The following NRG3 variants were observed in gnomAD, a reference collection of about 807,000 sequenced individuals.
NRG3 encodes the protein neuregulin 3, also known as pro-neuregulin-3, membrane-bound isoform.
Under a neutral mutation model 66.9 loss-of-function variants are expected in NRG3, and 31 were observed. The ratio of observed to expected loss-of-function variants is 0.46; its 90% CI spans 0.35 to 0.63. NRG3 has a LOEUF of 0.63. Ranked by LOEUF, NRG3 falls within the 20% of genes least tolerant of loss-of-function variation. NRG3 has a pLI of 0.00. For synonymous variants in NRG3, 393 were observed against 359.4 expected, an observed-to-expected ratio of 1.09 and a Z score of -1.06; for missense variants, 910 against 878.9, an observed-to-expected ratio of 1.04 and a Z score of -0.45.
chr10:82,959,337 T>G (rs1468620570), intron 6 of NRG3, among the ~76,000 whole-genome samples: 1 of 152,214 alleles, frequency 6.6e-6, no homozygotes, highest in East Asian at 1.9e-4. Context: ...CTTCAGTTTT[T>G]TGTCCCATGA....
At chr10:82,315,382 A>G (rs2081240382) in intron 1 of NRG3, among the ~76,000 whole-genome samples, 1 of 152,224 alleles carries the variant, frequency 6.6e-6, no homozygotes, top group Admixed American at 6.5e-5. Context: ...AAAATAGCCT[A>G]AAGTAAAATA....
intron 2 of NRG3, among the ~76,000 whole-genome samples, chr10:82,440,267 C>G (rs1590138422): frequency 6.6e-6 from 1 of 151,210 alleles, no homozygotes; most frequent in East Asian, 1.9e-4. Context: ...AATATCTCCT[C>G]TGTGTACATA....
intron 1 of NRG3, among the ~76,000 whole-genome samples, chr10:82,074,131 A>C (rs2064962030): frequency 6.6e-6 from 1 of 151,486 alleles, no homozygotes; most frequent in Non-Finnish European, 1.5e-5. Flanking sequence ...GCTGTCAGTT[A>C]GGGTGCTCAG....
chr10:82,914,441 T>C (rs377533197), intron 4 of NRG3, among the ~76,000 whole-genome samples: 76 of 152,168 alleles, frequency 5.0e-4, no homozygotes, highest in African/African-American at 1.8e-3. Flanking sequence ...AAGTAAGTTT[T>C]TTTCCTGTAG....
chr10:82,284,818 T>G (rs1018511818), intron 1 of NRG3, among the ~76,000 whole-genome samples: 1 of 152,184 alleles, frequency 6.6e-6, no homozygotes, highest in African/African-American at 2.4e-5. Flanking sequence ...TGAACCTCAC[T>G]CAGTACTGGA....
At chr10:82,165,568 T>A (rs1489334813) in intron 1 of NRG3, among the ~76,000 whole-genome samples, 1 of 152,068 alleles carries the variant, frequency 6.6e-6, no homozygotes, top group Non-Finnish European at 1.5e-5. Context: ...TTTGAATAGG[T>A]GATCATTTTT....
chr10:82,048,203 T>C (rs868831741), intron 1 of NRG3, among the ~76,000 whole-genome samples: 15 of 151,972 alleles, frequency 9.9e-5, no homozygotes, highest in African/African-American at 3.6e-4. Context: ...GACAGAAAGT[T>C]AACAAGGATA....
In NRG3 at chr10:82,172,773, C is replaced by T. The variant is rs369279260; in HGVS notation, c.824-185966C>T. Among the ~76,000 whole-genome samples, 19 of 152,084 alleles carry T rather than the reference C, an allele frequency of 1.2e-4. 1 individual carries two copies. The highest frequency in any genetic ancestry group is 3.1e-4 in the African/African-American group (13 of 41,424). On this transcript the variant is annotated intron_variant, in intron 1 of 8. Transcript: ENST00000372141. ...ACACAGAGGTCTGCGGGGCCTTTCC[C>T]GCTTGACCCATAATGTAATGTAAAG...
At chr10:82,165,443 G>C (rs1254693592) in intron 1 of NRG3, among the ~76,000 whole-genome samples, 1 of 151,902 alleles carries the variant, frequency 6.6e-6, no homozygotes, top group African/African-American at 2.4e-5. Flanking sequence ...CAATTTTGTA[G>C]GCAAAATAGC....
intron 1 of NRG3, among the ~76,000 whole-genome samples, chr10:82,298,160 A>G (rs1382764730): frequency 1.3e-5 from 2 of 150,670 alleles, no homozygotes; most frequent in Non-Finnish European, 3.0e-5. Flanking sequence ...GAAAGAAAGA[A>G]AGAGAGAGGG....
At chr10:82,698,458 T>A (rs1303289081) in intron 2 of NRG3, among the ~76,000 whole-genome samples, 3 of 152,160 alleles carry the variant, frequency 2.0e-5, no homozygotes, top group Non-Finnish European at 2.9e-5. Flanking sequence ...AATAATACCA[T>A]GATAAAATAA....
Position 82,717,816 on chromosome 10 carries a change from G to A in NRG3, c.954-20761G>A, listed in dbSNP as rs201844294. On this transcript the variant is annotated intron_variant, in intron 2 of 8. Coordinates refer to ENST00000372141, the MANE Select transcript of NRG3 (RefSeq NM_001010848.4). Reference sequence around the variant, plus strand: ...CTACTGTAACACTCCCAGTGGCAGAGACCATTGTGTTTCTGTATGGTTCTA... The same window carrying A: ...CTACTGTAACACTCCCAGTGGCAGAAACCATTGTGTTTCTGTATGGTTCTA... Among the ~76,000 whole-genome samples, 15 of 152,044 alleles carry A rather than the reference G, an allele frequency of 9.9e-5. No homozygotes were observed. In the East Asian group the frequency reaches 2.9e-3, roughly 29 times the overall value.
chr10:82,087,002 G>A (rs553558252), intron 1 of NRG3, among the ~76,000 whole-genome samples: 2 of 152,208 alleles, frequency 1.3e-5, no homozygotes, highest in South Asian at 2.1e-4. Flanking sequence ...ATCAATTTGA[G>A]TCCTCTGTCT....
intron 2 of NRG3, among the ~76,000 whole-genome samples, chr10:82,498,144 C>T (rs1168252426): frequency 2.0e-5 from 3 of 149,372 alleles, no homozygotes; most frequent in Non-Finnish European, 3.0e-5. Flanking sequence ...AGATATTAAT[C>T]CTTCATCAGA....
chr10:81,953,277 G>A (rs185145699), intron 1 of NRG3, among the ~76,000 whole-genome samples: 100 of 152,258 alleles, frequency 6.6e-4, no homozygotes, highest in Non-Finnish European at 5.4e-4. Flanking sequence ...CTTTGCTTGG[G>A]ATGAGAAACC....
chr10:82,607,378 T>C lies in NRG3; in HGVS notation c.954-131199T>C, dbSNP rs142649194. ...TAATTCTCTTTGCTCTGAAGTTGCC[T>C]TGATTGGAAATTAATATAGCTGCTC... On this transcript the variant is annotated intron_variant, in intron 2 of 8. Coordinates refer to ENST00000372141, the MANE Select transcript of NRG3 (RefSeq NM_001010848.4). 4.2e-3 allele frequency among the ~76,000 whole-genome samples: 537 copies of C among 128,706 alleles called. 1 individual carries two copies. The highest frequency in any genetic ancestry group is 0.013 in the African/African-American group (512 of 38,470). 84.4% of individuals were successfully genotyped at this position (128,706 alleles called of 152,430 possible).
intron 4 of NRG3, among the ~76,000 whole-genome samples, chr10:82,948,080 G>T (rs1049482663): frequency 6.6e-6 from 1 of 151,880 alleles, no homozygotes; most frequent in South Asian, 2.1e-4. Context: ...CTTTTTGAGT[G>T]TATATATGTA....
chr10:82,824,334 G>T (rs962628353), intron 3 of NRG3, among the ~76,000 whole-genome samples: 2 of 152,118 alleles, frequency 1.3e-5, no homozygotes, highest in Non-Finnish European at 2.9e-5. Context: ...GAATATTCAT[G>T]TGCAAGTTTT....
At chr10:82,233,103 G>A (rs1327279668) in intron 1 of NRG3, among the ~76,000 whole-genome samples, 10 of 152,140 alleles carry the variant, frequency 6.6e-5, no homozygotes, top group African/African-American at 2.4e-4. Context: ...AGTGGCTCAC[G>A]CCTGTAATCC....
Sources: gnomAD v4.1 joint callset for allele counts (sites outside exome capture counted in the v4.1 genomes callset) on GRCh38, gnomAD v4.1.1 for gene constraint, MANE v1.5 for transcripts, NCBI Gene and HGNC (gene_info 2026-07-23, HGNC 2026-07-21) for gene names.